Variants in C3orf38 observed in about 807,000 individuals in gnomAD.
The protein encoded by C3orf38 is uncharacterized protein C3orf38.
Under a neutral mutation model 28.3 loss-of-function variants are expected in C3orf38, and 18 were observed. The ratio of observed to expected loss-of-function variants is 0.64; its 90% confidence interval spans 0.44 to 0.94. The LOEUF is 0.94. Among genes scored for constraint, C3orf38 ranks in the 40% least tolerant of loss-of-function variants. The pLI is 0.00. For missense variants in C3orf38, 364 were observed against 396.4 expected (o/e 0.92, Z 0.69); for synonymous variants, 145 against 138.1 (o/e 1.05, Z -0.35).
intron 1 of C3orf38, among the ~76,000 whole-genome samples, chr3:88,152,677 C>T (rs551486396): frequency 2.3e-4 from 34 of 150,894 alleles, no homozygotes; most frequent in Non-Finnish European, 4.3e-4. Context: ...ATGGCGTGAA[C>T]CTGGGAGGCG....
rs191782505 is a variant in C3orf38, at chr3:88,157,528, A to G, written c.*893A>G. The G allele has an allele frequency of 1.3e-5, 2 of 152,176 alleles. No homozygotes were observed. The highest frequency in any genetic ancestry group is 4.8e-5 in the African/African-American group (2 of 41,448). 9.4% of individuals were successfully genotyped at this position (152,176 alleles called of 1,614,324 possible). A position where few individuals can be genotyped will look rare whatever the true frequency, so the allele number is the denominator to read the frequency against. On this transcript the variant is annotated 3_prime_UTR_variant, in exon 3 of 3. Transcript: ENST00000318887. ...GGCAGAGATGACAAAAAAAACCCCAAAACAACCCATGCATGTATAATGTGT... is the reference window on the plus strand; with the variant it reads ...GGCAGAGATGACAAAAAAAACCCCAGAACAACCCATGCATGTATAATGTGT...
At position 88,149,996 on chromosome 3, in the gene C3orf38, C is replaced by A. The variant is rs926032154; in HGVS notation, c.-57C>A. 1.9e-6 allele frequency: 3 copies of A among 1,608,900 alleles called. No homozygotes were observed. In the Admixed American group the frequency reaches 5.0e-5, roughly 27 times the overall value. Reference sequence around the variant, plus strand: ...TCCGGTGTCTGTTGCCAGGCGCGGGCCCAGTGGGCCGTAGGGGCGACATTG... The same window carrying A: ...TCCGGTGTCTGTTGCCAGGCGCGGGACCAGTGGGCCGTAGGGGCGACATTG... On this transcript the variant is annotated 5_prime_UTR_variant, in exon 1 of 3. Transcript: ENST00000318887.
intron 1 of C3orf38, among the ~76,000 whole-genome samples, chr3:88,152,400 A>C (rs1186692581): frequency 6.6e-6 from 1 of 151,756 alleles, no homozygotes; most frequent in Non-Finnish European, 1.5e-5. Context: ...ACAGAGTGAG[A>C]CTCTGTCTCA....
In C3orf38 at chr3:88,153,864, AT is replaced by A. The variant is rs1157716773; in HGVS notation, c.375+401del. ...AGGCATGAGCCACCATGCCCAGCCT[AT>A]TTTTTTTATATTTTATAATTTTAAC... On this transcript the variant is annotated intron_variant, in intron 2 of 2. Transcript: ENST00000318887. Among the ~76,000 whole-genome samples, 22 of 151,996 alleles carry A rather than the reference AT, an allele frequency of 1.4e-4. No homozygotes were observed. The East Asian group carries it at 2.9e-3, about 20-fold the overall frequency.
Position 88,153,388 on chromosome 3 carries a change from T to C in C3orf38, c.292T>C (p.Tyr98His), listed in dbSNP as rs773499618. 6.2e-7 allele frequency: 1 copy of C among 1,613,862 alleles called. No individual in the cohort carries two copies. Among genetic ancestry groups the C allele is most frequent in the Non-Finnish European group, 8.5e-7 (1 of 1,180,022 alleles). ...CAATCTTATTCAGCATGCAAAAGATTACTGGCAAAAGCAACCACAACTGAA... is the reference window on the plus strand; with the variant it reads ...CAATCTTATTCAGCATGCAAAAGATCACTGGCAAAAGCAACCACAACTGAA... ...KHNLIQHAKD[Y>H]WQKQPQLKLK... is the part of the protein sequence containing the mutation. Residue 98 changes from tyrosine (Y) to histidine (H), a missense_variant, in exon 2 of 3, where the codon TAC (tyrosine) becomes CAC (histidine). Tyr to His is a moderately conservative substitution (Grantham distance 83). Coordinates refer to ENST00000318887, the MANE Select transcript of C3orf38 (RefSeq NM_173824.4).
At chr3:88,155,659 A>G (rs1277282346) in intron 2 of C3orf38, among the ~76,000 whole-genome samples, 1 of 151,856 alleles carries the variant, frequency 6.6e-6, no homozygotes, top group Non-Finnish European at 1.5e-5. Context: ...GGGTTTCACT[A>G]TATTGGCCAG....
intron 2 of C3orf38, among the ~76,000 whole-genome samples, chr3:88,155,533 A>T (rs942101691): frequency 6.7e-6 from 1 of 148,400 alleles, no homozygotes; most frequent in African/African-American, 2.5e-5. Flanking sequence ...ATCTTGGCTC[A>T]CTGCAACCTC....
intron 1 of C3orf38, among the ~76,000 whole-genome samples, chr3:88,152,813 T>G (rs575626625): frequency 1.3e-5 from 2 of 152,144 alleles, no homozygotes; most frequent in South Asian, 4.1e-4. Context: ...TCAACTTTCA[T>G]TATCTGTAGA....
Position 88,156,612 on chromosome 3 carries a change from A to G in C3orf38, c.967A>G (p.Ser323Gly). ...ACATAATGTAAAGCAGGCTTCGGAT[A>G]GTGGAACTGGGGACCAAGTTTGAGG... ...VRHNVKQASDSGTGDQV is the reference protein window; with the variant it reads ...VRHNVKQASDGGTGDQV Residue 323 changes from serine (S) to glycine (G), a missense_variant, in exon 3 of 3, where the codon AGT becomes GGT. Coordinates refer to ENST00000318887, the MANE Select transcript of C3orf38 (RefSeq NM_173824.4). 1 of 1,611,128 alleles carries G rather than the reference A, an allele frequency of 6.2e-7. No homozygotes were observed. The highest frequency in any genetic ancestry group is 1.1e-5 in the South Asian group (1 of 90,844).
At chr3:88,150,392 T>C (rs1176259655) in intron 1 of C3orf38, among the ~76,000 whole-genome samples, 1 of 152,216 alleles carries the variant, frequency 6.6e-6, no homozygotes, top group Non-Finnish European at 1.5e-5. Context: ...TTGAATATTA[T>C]GGGCAGCGCT....
Position 88,156,131 on chromosome 3 carries a change from A to G in C3orf38, c.486A>G (p.Pro162=). 6.2e-7 allele frequency: 1 copy of G among 1,612,802 alleles called. No homozygotes were observed. The highest frequency in any genetic ancestry group is 8.5e-7 in the Non-Finnish European group (1 of 1,179,506). Residue 162 remains proline (P), a synonymous_variant, in exon 3 of 3, where the codon CCA becomes CCG. Transcript: ENST00000318887. ...ATTCTCAGAATCCTTTTCTAGGACC[A>G]CCTCAAGATGAATGGGGACCACAGC... ...LLNSQNPFLG[P]PQDEWGPQHF...
At chr3:88,150,707 G>A (rs1290846985) in intron 1 of C3orf38, 2 of 152,782 alleles carry the variant, frequency 1.3e-5, no homozygotes, top group East Asian at 3.8e-4. Context: ...ATATACCGGT[G>A]GATTTTTAAG....
Position 88,155,997 on chromosome 3 carries a change from ATTTAT to A in C3orf38, c.376-16_376-12del, listed in dbSNP as rs1707473931. 2 of 1,499,892 alleles carry A rather than the reference ATTTAT, an allele frequency of 1.3e-6. No individual in the cohort carries two copies. The highest frequency in any genetic ancestry group is 2.3e-5 in the Admixed American group (1 of 43,862). 92.9% of individuals were successfully genotyped at this position (1,499,892 alleles called of 1,614,324 possible). The stretch of plus-strand genomic sequence containing the variant: ...AAGTTAAACCTTAGTGTTATTTTGT[ATTTAT>A]TTTATTTGTTTCAATCAGCAGGTGA... On this transcript the variant is annotated intron_variant, in intron 2 of 2. Transcript: ENST00000318887.
chr3:88,153,295 C>T lies in C3orf38; in HGVS notation c.199C>T (p.His67Tyr). The T allele has an allele frequency of 6.2e-7, 1 of 1,613,598 alleles. No homozygotes were observed. Among genetic ancestry groups the T allele is most frequent in the Non-Finnish European group, 8.5e-7 (1 of 1,179,790 alleles). The change falls in exon 2 of 3, where the codon CAC becomes TAC. Residue 67 changes from histidine (H) to tyrosine (Y), a missense_variant. By Grantham distance (83) the His-to-Tyr change is moderately conservative. Coordinates refer to ENST00000318887, the MANE Select transcript of C3orf38 (RefSeq NM_173824.4). ...AGAACTTCTGAGGCGTAGAAAAGTCCACCGAGAAGTTATATTTAAGTACTT... is the reference window on the plus strand; with the variant it reads ...AGAACTTCTGAGGCGTAGAAAAGTCTACCGAGAAGTTATATTTAAGTACTT... ...AEELLRRRKV[H>Y]REVIFKYLAT... is the part of the protein sequence containing the mutation.
In C3orf38 at chr3:88,156,338, G is replaced by A; in HGVS notation, c.693G>A (p.Leu231=). 6.2e-7 allele frequency: 1 copy of A among 1,614,198 alleles called. No individual in the cohort carries two copies. Among genetic ancestry groups the A allele is most frequent in the Non-Finnish European group, 8.5e-7 (1 of 1,180,030 alleles). ...AATGTGCATCTTCTCCTCATGGGCT[G>A]GTTATGGTTGGAGTTGCTGGGACTG... ...GLKCASSPHG[L]VMVGVAGTVH... Residue 231 remains leucine (L), a synonymous_variant, in exon 3 of 3, where the codon CTG becomes CTA. Transcript: ENST00000318887.
At position 88,155,910 on chromosome 3, in the gene C3orf38, A is replaced by C. The variant is rs955737516; in HGVS notation, c.376-111A>C. 14 of 796,722 alleles carry C rather than the reference A, an allele frequency of 1.8e-5. No individual in the cohort carries two copies. The African/African-American group carries it at 2.5e-4, about 14-fold the overall frequency. 49.4% of individuals were successfully genotyped at this position (796,722 alleles called of 1,614,324 possible). On this transcript the variant is annotated intron_variant, in intron 2 of 2. Transcript: ENST00000318887. The stretch of plus-strand genomic sequence containing the variant: ...GGTTCAGCAAGTTCACATATGGTTC[A>C]TTTCTCTCTGGTGTAATGGGTTCAT...
At chr3:88,154,771 C>T (rs1707457963) in intron 2 of C3orf38, among the ~76,000 whole-genome samples, 1 of 152,086 alleles carries the variant, frequency 6.6e-6, no homozygotes, top group South Asian at 2.1e-4. Context: ...GCTCAGTAAA[C>T]CTAAGATCTC....
chr3:88,157,770 A>T lies in C3orf38; in HGVS notation c.*1135A>T, dbSNP rs1181296588. On this transcript the variant is annotated 3_prime_UTR_variant, in exon 3 of 3. Coordinates refer to ENST00000318887, the MANE Select transcript of C3orf38 (RefSeq NM_173824.4). ...CCATTTGGAAAAGAACTCAATTGGG[A>T]AATGTGATGACGTATTGTACATGTT... 1 of 152,134 alleles carries T rather than the reference A, an allele frequency of 6.6e-6. No individual in the cohort carries two copies. The highest frequency in any genetic ancestry group is 1.5e-5 in the Non-Finnish European group (1 of 67,994). 9.4% of individuals were successfully genotyped at this position (152,134 alleles called of 1,614,324 possible). A position where few individuals can be genotyped will look rare whatever the true frequency, so the allele number is the denominator to read the frequency against.
chr3:88,157,280 C>G lies in C3orf38; in HGVS notation c.*645C>G, dbSNP rs1707492691. On this transcript the variant is annotated 3_prime_UTR_variant, in exon 3 of 3. Coordinates refer to ENST00000318887, the MANE Select transcript of C3orf38 (RefSeq NM_173824.4). The stretch of plus-strand genomic sequence containing the variant: ...TTTTTCAAAGTTATCAGCTGTAGTC[C>G]AAGCTAAATATCTTTTGTAATCTGC... 1 of 152,128 alleles carries G rather than the reference C, an allele frequency of 6.6e-6. No homozygotes were observed. The highest frequency in any genetic ancestry group is 2.1e-4 in the South Asian group (1 of 4,820). 9.4% of individuals were successfully genotyped at this position (152,128 alleles called of 1,614,324 possible).
Sources: gnomAD v4.1 joint callset for allele counts (sites outside exome capture counted in the v4.1 genomes callset) on GRCh38, gnomAD v4.1.1 for gene constraint, MANE v1.5 for transcripts, NCBI Gene and HGNC (gene_info 2026-07-23, HGNC 2026-07-21) for gene names.